CDH13: variants seen among roughly 807,000 people sequenced by gnomAD.
The protein encoded by CDH13 is cadherin 13.
Under a neutral mutation model 63.8 loss-of-function variants are expected in CDH13, and 24 were observed. That is an observed-to-expected ratio of 0.38 (90% CI 0.27 to 0.53). The LOEUF is 0.53. Among genes scored for constraint, CDH13 ranks in the 20% least tolerant of loss-of-function variants. CDH13 has a pLI of 0.85. For synonymous variants in CDH13, 503 were observed against 355.3 expected, an observed-to-expected ratio of 1.42 and a Z score of -4.67; for missense variants, 1,049 against 903.1, an observed-to-expected ratio of 1.16 and a Z score of -2.07.
chr16:83,067,520 A>C (rs1184559580), intron 3 of CDH13, among the ~76,000 whole-genome samples: 3 of 152,218 alleles, frequency 2.0e-5, no homozygotes, highest in Non-Finnish European at 4.4e-5. Context: ...ACAAACGACA[A>C]GCATTTTTTG....
intron 2 of CDH13, among the ~76,000 whole-genome samples, chr16:82,957,286 G>A (rs1304409529): frequency 1.3e-5 from 2 of 152,124 alleles, no homozygotes; most frequent in Non-Finnish European, 2.9e-5. Context: ...TTCTTTGGGG[G>A]ACAAATAGAA....
At chr16:83,713,231 T>C (rs540060823) in intron 10 of CDH13, among the ~76,000 whole-genome samples, 1 of 152,262 alleles carries the variant, frequency 6.6e-6, no homozygotes, top group East Asian at 1.9e-4. Flanking sequence ...CGGGCTGGGG[T>C]CCTTCATGGA....
At position 83,161,680 on chromosome 16, in the gene CDH13, A is replaced by T. The variant is rs544784503; in HGVS notation, c.483+36179A>T. ...ATGGATTTGCATATTTATAGAGTTA[A>T]AGAATCACCCACCATGGTTCTCTTT... On this transcript the variant is annotated intron_variant, in intron 4 of 13. Coordinates refer to ENST00000567109, the MANE Select transcript of CDH13 (RefSeq NM_001257.5). Among the ~76,000 whole-genome samples the T allele has an allele frequency of 9.9e-5, 15 of 152,270 alleles. No homozygotes were observed. In the South Asian group the frequency reaches 2.9e-3, roughly 30 times the overall value.
intron 6 of CDH13, among the ~76,000 whole-genome samples, chr16:83,403,664 C>CT (rs1422451227): frequency 1.3e-5 from 2 of 152,018 alleles, no homozygotes; most frequent in Non-Finnish European, 2.9e-5. Context: ...ATGTAGAAAC[C>CT]TTTGGGGGAG....
chr16:83,177,666 T>G (rs2038183546), intron 4 of CDH13, among the ~76,000 whole-genome samples: 1 of 152,194 alleles, frequency 6.6e-6, no homozygotes, highest in African/African-American at 2.4e-5. Flanking sequence ...CCCCTCCACA[T>G]AGGGATAAGC....
chr16:82,761,092 T>G (rs140579829), intron 1 of CDH13, among the ~76,000 whole-genome samples: 163 of 139,908 alleles, frequency 1.2e-3, no homozygotes, highest in Middle Eastern at 3.9e-3. Flanking sequence ...GGCATGATCT[T>G]AGCTCACTGC....
chr16:83,795,129 C>A lies in CDH13; in HGVS notation c.*99C>A. Reference sequence around the variant, plus strand: ...AAGATTGCGGTTTACAGCTATCGAACTTCACAACTAGGCCTCAATTGTTCC... The same window carrying A: ...AAGATTGCGGTTTACAGCTATCGAAATTCACAACTAGGCCTCAATTGTTCC... On this transcript the variant is annotated 3_prime_UTR_variant, in exon 14 of 14. Transcript: ENST00000567109. The A allele has an allele frequency of 1.0e-6, 1 of 973,066 alleles. No individual in the cohort carries two copies. Among genetic ancestry groups the A allele is most frequent in the Non-Finnish European group, 1.5e-6 (1 of 646,872 alleles). 60.3% of individuals were successfully genotyped at this position (973,066 alleles called of 1,614,324 possible).
At chr16:83,408,987 G>A (rs779816003) in intron 6 of CDH13, among the ~76,000 whole-genome samples, 3 of 152,126 alleles carry the variant, frequency 2.0e-5, no homozygotes, top group South Asian at 4.1e-4. Flanking sequence ...TTTCAGTGAC[G>A]TGGCTGAATC....
chr16:82,763,310 A>T (rs1448522058), intron 1 of CDH13, among the ~76,000 whole-genome samples: 1 of 152,174 alleles, frequency 6.6e-6, no homozygotes, highest in Non-Finnish European at 1.5e-5. Flanking sequence ...TCTTCACAGC[A>T]CTTATTTCCT....
intron 4 of CDH13, chr16:83,181,148 A>C: frequency 1.3e-6 from 1 of 769,882 alleles, no homozygotes. Flanking sequence ...AGAGAGTCAG[A>C]AGTCATCACA....
intron 10 of CDH13, among the ~76,000 whole-genome samples, chr16:83,739,652 G>T (rs1057003803): frequency 6.6e-6 from 1 of 152,174 alleles, no homozygotes; most frequent in Non-Finnish European, 1.5e-5. Context: ...ATAGAAGTGG[G>T]AGTTTGGCTG....
chr16:82,795,682 T>C (rs888260989), intron 1 of CDH13, among the ~76,000 whole-genome samples: 1 of 152,200 alleles, frequency 6.6e-6, no homozygotes, highest in Non-Finnish European at 1.5e-5. Context: ...CTGTAGACCC[T>C]CCACTCTTAA....
chr16:83,322,599 C>G (rs757830899), intron 5 of CDH13, among the ~76,000 whole-genome samples: 13 of 152,146 alleles, frequency 8.5e-5, no homozygotes, highest in Non-Finnish European at 1.5e-4. Context: ...TACCTGCACA[C>G]AGTGTCCCAC....
rs549082870 is a variant in CDH13, at chr16:82,758,796, C to T, written c.46-99566C>T. Among the ~76,000 whole-genome samples, 42 of 152,314 alleles carry T rather than the reference C, an allele frequency of 2.8e-4. No individual in the cohort carries two copies. The South Asian group carries it at 4.6e-3, about 17-fold the overall frequency. On this transcript the variant is annotated intron_variant, in intron 1 of 13. Transcript: ENST00000567109. ...ATTAGCCCAATGAACATTTACTAAT[C>T]ATTGAAATTTAAGCATGGCAGCCTG...
intron 2 of CDH13, among the ~76,000 whole-genome samples, chr16:82,985,350 C>T (rs1453928471): frequency 2.0e-5 from 3 of 151,702 alleles, no homozygotes; most frequent in Non-Finnish European, 4.4e-5. Context: ...AAGCAGAACT[C>T]TGCTCAGAGA....
intron 2 of CDH13, among the ~76,000 whole-genome samples, chr16:82,886,857 G>T (rs1351925818): frequency 6.6e-6 from 1 of 152,110 alleles, no homozygotes; most frequent in African/African-American, 2.4e-5. Flanking sequence ...TTTTATCTCC[G>T]TGATGTTTTC....
intron 5 of CDH13, among the ~76,000 whole-genome samples, chr16:83,248,968 C>G (rs1229471490): frequency 6.6e-6 from 1 of 152,190 alleles, no homozygotes; most frequent in Non-Finnish European, 1.5e-5. Flanking sequence ...GAAGTTATCA[C>G]CAGCTTTCAC....
At chr16:83,494,303 G>A (rs1401211847) in intron 7 of CDH13, among the ~76,000 whole-genome samples, 1 of 152,130 alleles carries the variant, frequency 6.6e-6, no homozygotes, top group East Asian at 1.9e-4. Context: ...CTTTTCGAGA[G>A]CTGTTTATTT....
chr16:83,188,084 C>T (rs2038581579), intron 4 of CDH13, among the ~76,000 whole-genome samples: 1 of 152,190 alleles, frequency 6.6e-6, no homozygotes, highest in Non-Finnish European at 1.5e-5. Context: ...GTGACCAGAT[C>T]ACAGAAGGTC....
Sources: gnomAD v4.1 joint callset for allele counts (sites outside exome capture counted in the v4.1 genomes callset) on GRCh38, gnomAD v4.1.1 for gene constraint, MANE v1.5 for transcripts, NCBI Gene and HGNC (gene_info 2026-07-23, HGNC 2026-07-21) for gene names.